LONRF1: variants seen among roughly 807,000 people sequenced by gnomAD.
The protein encoded by LONRF1 is LON peptidase N-terminal domain and RING finger protein 1.
LONRF1 carries 37 observed loss-of-function variants against 85.8 expected under a neutral mutation model. The ratio of observed to expected loss-of-function variants is 0.43; its 90% confidence interval spans 0.33 to 0.57. The LOEUF (loss-of-function observed/expected upper bound fraction) is 0.57, where lower values mean the gene tolerates loss of function less well. Ranked by LOEUF, LONRF1 falls within the 20% of genes least tolerant of loss-of-function variation. The probability of loss-of-function intolerance (pLI) is 0.04; values close to 1 mark genes in which losing one functional copy is unlikely to be tolerated. For missense variants in LONRF1, 1,036 were observed against 978.0 expected (o/e 1.06, Z -0.79); for synonymous variants, 517 against 390.1 (o/e 1.33, Z -3.83).
chr8:12,737,262 T>C (rs752098615), intron 4 of LONRF1, 122 bp from the exon 5 acceptor site: 32 of 1,164,404 alleles, frequency 2.7e-5, no homozygotes, highest in East Asian at 7.3e-5. Flanking sequence ...GTTCATTTAA[T>C]AGCACTAACT....
chr8:12,734,438 A>G (rs1245616647), intron 7 of LONRF1, among the ~76,000 whole-genome samples: 7 of 152,162 alleles, frequency 4.6e-5, no homozygotes, highest in Non-Finnish European at 1.0e-4. Context: ...CCTGTCAATC[A>G]CCAGAGACAG....
At position 12,754,986 on chromosome 8, in the gene LONRF1, G is replaced by T; in HGVS notation, c.435C>A (p.Arg145=). 4 of 1,491,986 alleles carry T rather than the reference G, an allele frequency of 2.7e-6. No homozygotes were observed. The highest frequency in any genetic ancestry group is 2.7e-6 in the Non-Finnish European group (3 of 1,127,294). The allele number at this position is 1,491,986 out of a possible 1,614,324, so 92.4% of individuals were successfully genotyped here. ...TVPCGHSYCR[R]CLRRELRARC... ...GGGCGCGGAGTTCCCTCCGCAGGCAGCGGCGGCAGTAGCTGTGGCCACAGG... is the reference window on the plus strand; with the variant it reads ...GGGCGCGGAGTTCCCTCCGCAGGCATCGGCGGCAGTAGCTGTGGCCACAGG... The change falls in exon 1 of 12, where the codon CGC becomes CGA. Residue 145 remains arginine (R), a synonymous_variant. Transcript: ENST00000398246.
At position 12,741,034 on chromosome 8, in the gene LONRF1, G is replaced by A. The variant is rs755270104; in HGVS notation, c.841-38C>T. On this transcript the variant is annotated intron_variant, in intron 2 of 11. Transcript: ENST00000398246. ...CAGATATATAAAACCTTTGTGTTAA[G>A]AATTGCTTTTTAAAAAATCATTATC... The A allele has an allele frequency of 6.3e-6, 10 of 1,599,342 alleles. No homozygotes were observed. In the Admixed American group the frequency reaches 1.7e-4, roughly 28 times the overall value.
At chr8:12,752,011 C>G (rs1026178374) in intron 1 of LONRF1, among the ~76,000 whole-genome samples, 1 of 152,112 alleles carries the variant, frequency 6.6e-6, no homozygotes, top group African/African-American at 2.4e-5. Flanking sequence ...AAATGGGAAA[C>G]TTCTGATTTT....
intron 1 of LONRF1, among the ~76,000 whole-genome samples, chr8:12,746,276 C>T (rs1799149630): frequency 6.6e-6 from 1 of 152,148 alleles, no homozygotes; most frequent in African/African-American, 2.4e-5. Flanking sequence ...CAAGTTCCTC[C>T]ATGCCTGGCT....
Position 12,722,848 on chromosome 8 carries a change from C to T in LONRF1, c.*248G>A, listed in dbSNP as rs902227364. 1.5e-5 allele frequency: 6 copies of T among 390,410 alleles called. No individual in the cohort carries two copies. The highest frequency in any genetic ancestry group is 1.9e-5 in the Non-Finnish European group (4 of 213,752). The allele number at this position is 390,410 out of a possible 1,614,324, so 24.2% of individuals were successfully genotyped here. On this transcript the variant is annotated 3_prime_UTR_variant, in exon 12 of 12. Transcript: ENST00000398246. ...TCTTATTTCATTTTAGAGTATGGTA[C>T]ATAGTGCAACTTCACAATGTAGAGG... is the stretch of plus-strand genomic sequence containing the variant.
At chr8:12,723,315 A>T (rs1229939110) in intron 11 of LONRF1, 61 bp from the exon 12 acceptor site, 3 of 1,480,360 alleles carry the variant, frequency 2.0e-6, no homozygotes, top group East Asian at 2.3e-5. Context: ...CAACAGTAGC[A>T]AACCACCAAA....
Position 12,740,880 on chromosome 8 carries a change from T to C in LONRF1, c.957A>G (p.Val319=). 1.2e-6 allele frequency: 2 copies of C among 1,613,352 alleles called. No individual in the cohort carries two copies. Among genetic ancestry groups the C allele is most frequent in the South Asian group, 1.1e-5 (1 of 91,064 alleles). ...DEDFAPAKLQ[V]QKILCDLLLP... is the part of the protein sequence containing the mutation. ...TTGTTGGTAAACTGATTACCTTTTG[T>C]ACTTGCAGCTTTGCAGGTGCAAAAT... is the stretch of plus-strand genomic sequence containing the variant. The change falls in exon 3 of 12, where the codon GTA becomes GTG. Residue 319 remains valine (V), a synonymous_variant. Transcript: ENST00000398246.
At chr8:12,725,994 T>G (rs769056320) in intron 10 of LONRF1, 115 bp from the exon 11 acceptor site, 25 of 873,212 alleles carry the variant, frequency 2.9e-5, no homozygotes, top group Non-Finnish European at 3.9e-5. Context: ...CCTGTTTCAG[T>G]GCTGACGTCC....
intron 7 of LONRF1, among the ~76,000 whole-genome samples, chr8:12,733,059 C>T (rs556851520): frequency 5.9e-5 from 9 of 152,120 alleles, no homozygotes; most frequent in African/African-American, 1.9e-4. Flanking sequence ...CTGAGCCCCA[C>T]GCCAGAGTCT....
Position 12,722,674 on chromosome 8 carries a change from T to C in LONRF1, c.*422A>G, listed in dbSNP as rs1054859675. 2 of 154,234 alleles carry C rather than the reference T, an allele frequency of 1.3e-5. No individual in the cohort carries two copies. Among genetic ancestry groups the C allele is most frequent in the African/African-American group, 4.8e-5 (2 of 41,490 alleles). 9.6% of individuals were successfully genotyped at this position (154,234 alleles called of 1,614,324 possible). A position where few individuals can be genotyped will look rare whatever the true frequency, so the allele number is the denominator to read the frequency against. On this transcript the variant is annotated 3_prime_UTR_variant, in exon 12 of 12. Transcript: ENST00000398246. Reference sequence around the variant, plus strand: ...TACTCTTGTAAACTTGGGCAATAAATGACCCTCGGCAAGTTCTGCTCTCTA... The same window carrying C: ...TACTCTTGTAAACTTGGGCAATAAACGACCCTCGGCAAGTTCTGCTCTCTA...
rs772396563 is a variant in LONRF1 at position 12,736,817 on chromosome 8, G to C, written c.1355-20C>G. On this transcript the variant is annotated intron_variant, in intron 5 of 11. Coordinates refer to ENST00000398246, the MANE Select transcript of LONRF1 (RefSeq NM_152271.5). Reference sequence around the variant, plus strand: ...GAGTTTCTATTAAAACAAAGACATGGGGTTTTCTTCCTTAGGAAAAACTTT... The same window carrying C: ...GAGTTTCTATTAAAACAAAGACATGCGGTTTTCTTCCTTAGGAAAAACTTT... The C allele has an allele frequency of 2.5e-6, 4 of 1,590,658 alleles. No homozygotes were observed. Among genetic ancestry groups the C allele is most frequent in the Non-Finnish European group, 3.4e-6 (4 of 1,169,266 alleles).
chr8:12,725,606 G>C lies in LONRF1; in HGVS notation c.2163+121C>G, dbSNP rs187219128. 12 of 900,148 alleles carry C rather than the reference G, an allele frequency of 1.3e-5. No homozygotes were observed. The South Asian group carries it at 1.7e-4, about 13-fold the overall frequency. The allele number at this position is 900,148 out of a possible 1,614,324, so 55.8% of individuals were successfully genotyped here. A position where few individuals can be genotyped will look rare whatever the true frequency, so the allele number is the denominator to read the frequency against. ...TGCAAAGATGAGGTGGGGCTGGTGCGGGGGAGGGGACAGTCAAAGAAAAAG... is the reference window on the plus strand; with the variant it reads ...TGCAAAGATGAGGTGGGGCTGGTGCCGGGGAGGGGACAGTCAAAGAAAAAG... On this transcript the variant is annotated intron_variant, in intron 11 of 11. Transcript: ENST00000398246.
In LONRF1 at chr8:12,735,334, A is replaced by G. The variant is rs1341161444; in HGVS notation, c.1518T>C (p.Cys506=). Residue 506 remains cysteine, a synonymous_variant, in exon 7 of 12, where the codon TGT becomes TGC. Coordinates refer to ENST00000398246, the MANE Select transcript of LONRF1 (RefSeq NM_152271.5). ...HSFCKNCLER[C]LDHAPYCPLC... is the part of the protein sequence containing the mutation. ...GAGGACAATATGGTGCATGATCTAA[A>G]CAACGCTCAAGACAATTCTTACAGA... 1 of 1,608,298 alleles carries G rather than the reference A, an allele frequency of 6.2e-7. No homozygotes were observed. Among genetic ancestry groups the G allele is most frequent in the Non-Finnish European group, 8.5e-7 (1 of 1,176,776 alleles).
At chr8:12,733,629 A>G (rs975165420) in intron 7 of LONRF1, among the ~76,000 whole-genome samples, 2 of 152,200 alleles carry the variant, frequency 1.3e-5, no homozygotes, top group African/African-American at 2.4e-5. Flanking sequence ...ATAAAGATGC[A>G]TAAAATCATT....
At chr8:12,751,294 A>ATGTTTTTTTTTTGTT (rs1554469320) in intron 1 of LONRF1, among the ~76,000 whole-genome samples, 14,082 of 82,794 alleles carry the variant, frequency 0.17, 1,758 homozygotes, top group East Asian at 0.34. Context: ...TTTTATTTTT[A>ATGTTTTTTTTTTGTT]TGTTTTTTTT....
Position 12,731,848 on chromosome 8 carries a change from C to G in LONRF1, c.1576G>C (p.Asp526His). 1.9e-6 allele frequency: 3 copies of G among 1,610,762 alleles called. No individual in the cohort carries two copies. The highest frequency in any genetic ancestry group is 1.1e-5 in the South Asian group (1 of 90,334). Residue 526 changes from aspartate to histidine, a missense_variant, in exon 8 of 12, where the codon GAT (aspartate) becomes CAT (histidine). Physicochemically the swap from Asp to His is moderately conservative, Grantham distance 81 (BLOSUM62 -1). This residue lies in a region of LONRF1 where 265 missense variants were observed against 301.5 expected (regional missense o/e 0.88). Transcript: ENST00000398246. ...CKESLKEYLA[D>H]RRYCVTQLLE... ...AGCTGTGTGACACAGTACCTCCTATCTGCTAGATACTAAAAGACAATATTA... is the reference window on the plus strand; with the variant it reads ...AGCTGTGTGACACAGTACCTCCTATGTGCTAGATACTAAAAGACAATATTA...
chr8:12,725,587 G>C, intron 11 of LONRF1, 140 bp downstream of exon 11: 3 of 739,500 alleles, frequency 4.1e-6, no homozygotes, highest in Non-Finnish European at 6.6e-6. Context: ...TGATTGCAAA[G>C]ATGAGGTGGG....
intron 3 of LONRF1, among the ~76,000 whole-genome samples, chr8:12,739,304 T>TA (rs1484705415): frequency 4.2e-5 from 2 of 47,648 alleles, no homozygotes; most frequent in African/African-American, 1.8e-4. Context: ...TAAAAAACAA[T>TA]AAAAAATGAC....
Sources: allele counts gnomAD v4.1 joint callset (sites outside exome capture counted in the v4.1 genomes callset), GRCh38; gene constraint gnomAD v4.1.1; regional missense constraint gnomAD v4.1.1; transcripts MANE v1.5; gene names NCBI Gene and HGNC (gene_info 2026-07-23, HGNC 2026-07-21).